The following DNAH14 variants were observed in gnomAD, a reference collection of about 807,000 sequenced individuals.
The protein encoded by DNAH14 is axonemal beta dynein heavy chain 14.
DNAH14 carries 478 observed loss-of-function variants against 520.9 expected under a neutral mutation model. The ratio of observed to expected loss-of-function variants is 0.92; its 90% confidence interval spans 0.85 to 0.99. The LOEUF (loss-of-function observed/expected upper bound fraction) is 0.99. Among genes scored for constraint, DNAH14 ranks in the 50% least tolerant of loss-of-function variants. DNAH14 has a pLI of 0.00. For missense variants in DNAH14, 4,831 were observed against 5,234.5 expected (o/e 0.92, Z 2.38); for synonymous variants, 1,581 against 1,757.2 (o/e 0.90, Z 2.51).
chr1:225,257,378 T>A (rs2092774339), intron 44 of DNAH14, among the ~76,000 whole-genome samples: 1 of 152,212 alleles, frequency 6.6e-6, no homozygotes, highest in Admixed American at 6.5e-5. Context: ...TAGGAACTCC[T>A]GGACATAATC....
Position 225,129,300 on chromosome 1 carries a change from A to G in DNAH14, c.4254+5686A>G, listed in dbSNP as rs879778198. ...TCAAGCTACCAATGACTTTCTTCAC[A>G]GAATTGGAAAAAACTACTTTAAAGT... is the stretch of plus-strand genomic sequence containing the variant. On this transcript the variant is annotated intron_variant, in intron 27 of 85. Transcript: ENST00000682510. Among the ~76,000 whole-genome samples the G allele has an allele frequency of 6.2e-3, 937 of 152,296 alleles. 24 individuals are homozygous for G. Among genetic ancestry groups the G allele is most frequent in the Non-Finnish European group, 3.5e-3 (241 of 68,034 alleles).
intron 8 of DNAH14, among the ~76,000 whole-genome samples, chr1:225,000,431 A>G (rs1330403534): frequency 6.6e-6 from 1 of 151,126 alleles, no homozygotes; most frequent in Non-Finnish European, 1.5e-5. Flanking sequence ...TCTTTTGACA[A>G]ATTTGGAATG....
chr1:225,000,697 T>G (rs890136413), intron 8 of DNAH14, among the ~76,000 whole-genome samples: 1 of 152,000 alleles, frequency 6.6e-6, no homozygotes, highest in East Asian at 1.9e-4. Flanking sequence ...TTCCCTCATT[T>G]TTTTCCTGTT....
intron 41 of DNAH14, among the ~76,000 whole-genome samples, chr1:225,218,044 A>G (rs551896080): frequency 6.6e-6 from 1 of 152,258 alleles, no homozygotes; most frequent in South Asian, 2.1e-4. Context: ...AGAATTTAAT[A>G]TCCAGCCAAA....
intron 71 of DNAH14, among the ~76,000 whole-genome samples, chr1:225,348,365 G>C (rs1261749418): frequency 6.6e-6 from 1 of 151,970 alleles, no homozygotes; most frequent in African/African-American, 2.4e-5. Flanking sequence ...AAAACATACA[G>C]GTTCAAGAGT....
In DNAH14 at chr1:225,327,687, C is replaced by G. The variant is rs546247069; in HGVS notation, c.9723+2855C>G. Among the ~76,000 whole-genome samples the G allele has an allele frequency of 3.3e-5, 5 of 151,440 alleles. No individual in the cohort carries two copies. The South Asian group carries it at 1.0e-3, about 32-fold the overall frequency. ...CTAAACAACAAAGAACGAACCAAACCCAAAGCTAGCAGAAGAAAAGAAATA... is the reference window on the plus strand; with the variant it reads ...CTAAACAACAAAGAACGAACCAAACGCAAAGCTAGCAGAAGAAAAGAAATA... On this transcript the variant is annotated intron_variant, in intron 64 of 85. Transcript: ENST00000682510.
In DNAH14 at chr1:225,389,766, C is replaced by G; in HGVS notation, c.13223C>G (p.Ser4408Cys). ...AGATTTGTCACAGTTTGGAAGCAGTCTATTCCATCAACTAGCCAAAAATGC... is the reference window on the plus strand; with the variant it reads ...AGATTTGTCACAGTTTGGAAGCAGTGTATTCCATCAACTAGCCAAAAATGC... ...YMRFVTVWKQSIPSTSQKCKH... is the reference protein window; with the variant it reads ...YMRFVTVWKQCIPSTSQKCKH... Residue 4408 changes from serine to cysteine, a missense_variant, in exon 83 of 86, where the codon TCT becomes TGT. By Grantham distance (112) the Ser-to-Cys change is moderately radical (BLOSUM62 -1). Transcript: ENST00000682510. 1 of 1,552,246 alleles carries G rather than the reference C, an allele frequency of 6.4e-7. No individual in the cohort carries two copies. The highest frequency in any genetic ancestry group is 1.4e-5 in the African/African-American group (1 of 73,186).
At chr1:225,113,196 G>A (rs1658328973) in intron 23 of DNAH14, among the ~76,000 whole-genome samples, 1 of 152,096 alleles carries the variant, frequency 6.6e-6, no homozygotes, top group African/African-American at 2.4e-5. Context: ...TTTTCATTAG[G>A]GAGTACCCAA....
intron 8 of DNAH14, among the ~76,000 whole-genome samples, chr1:224,980,462 G>A (rs1572214850): frequency 6.6e-6 from 1 of 152,312 alleles, no homozygotes; most frequent in Non-Finnish European, 1.5e-5. Context: ...CTCAGTTGCG[G>A]TAGTATAGAG....
chr1:225,038,182 T>A (rs909392746), intron 11 of DNAH14, among the ~76,000 whole-genome samples: 4 of 152,202 alleles, frequency 2.6e-5, no homozygotes, highest in African/African-American at 9.6e-5. Context: ...AAGGTTTTTA[T>A]TTTTCCTTTG....
chr1:225,092,776 T>G (rs116524503), intron 21 of DNAH14, among the ~76,000 whole-genome samples: 1,984 of 151,294 alleles, frequency 0.013, 21 homozygotes, highest in Middle Eastern at 0.024. Context: ...GACTTCTAGC[T>G]ACAATCATAA....
At position 225,379,621 on chromosome 1, in the gene DNAH14, G is replaced by A. The variant is rs187003826; in HGVS notation, c.12717-538G>A. ...TGGCTCACTGCAACCTCTGCCTCCC[G>A]GGTTCAAGTGATTCTCGTGCCTCAG... On this transcript the variant is annotated intron_variant, in intron 79 of 85. Transcript: ENST00000682510. Among the ~76,000 whole-genome samples the A allele has an allele frequency of 1.6e-4, 24 of 151,866 alleles. No homozygotes were observed. In the East Asian group the frequency reaches 2.1e-3, roughly 13 times the overall value.
intron 42 of DNAH14, among the ~76,000 whole-genome samples, chr1:225,231,949 A>G (rs1218651104): frequency 1.3e-5 from 2 of 152,148 alleles, no homozygotes; most frequent in Non-Finnish European, 2.9e-5. Flanking sequence ...TACCATAATC[A>G]CTCATATATA....
intron 36 of DNAH14, among the ~76,000 whole-genome samples, chr1:225,179,512 C>T (rs2083722704): frequency 6.6e-6 from 1 of 152,206 alleles, no homozygotes; most frequent in African/African-American, 2.4e-5. Flanking sequence ...ATAACTCCAT[C>T]TTCCCCACCT....
chr1:225,214,058 T>C (rs979125665), intron 41 of DNAH14, among the ~76,000 whole-genome samples: 20 of 152,166 alleles, frequency 1.3e-4, no homozygotes, highest in Non-Finnish European at 2.5e-4. Flanking sequence ...CATAAATAAC[T>C]CTTATTATTT....
intron 76 of DNAH14, among the ~76,000 whole-genome samples, chr1:225,366,363 T>C (rs1416820920): frequency 6.6e-6 from 1 of 152,182 alleles, no homozygotes. Context: ...TGTGATAAAA[T>C]AGTATGCTAT....
At chr1:224,975,081 T>A (rs1295776697) in intron 8 of DNAH14, among the ~76,000 whole-genome samples, 7 of 151,982 alleles carry the variant, frequency 4.6e-5, no homozygotes, top group Admixed American at 4.6e-4. Flanking sequence ...GAAGCCCGCT[T>A]GATCATGGTG....
At position 225,308,274 on chromosome 1, in the gene DNAH14, T is replaced by G; in HGVS notation, c.9115-11T>G. ...AAAATTCATTCTAAGAACAATTATG[T>G]GCTTCATTAGGAAACAGAAACTCTA... On this transcript the variant is annotated splice_polypyrimidine_tract_variant and intron_variant, in intron 59 of 85. Transcript: ENST00000682510. 6.5e-7 allele frequency: 1 copy of G among 1,532,122 alleles called. No individual in the cohort carries two copies. The highest frequency in any genetic ancestry group is 8.8e-7 in the Non-Finnish European group (1 of 1,142,208). The allele number at this position is 1,532,122 out of a possible 1,614,324, so 94.9% of individuals were successfully genotyped here. A position where few individuals can be genotyped will look rare whatever the true frequency, so the allele number is the denominator to read the frequency against.
intron 3 of DNAH14, 96 bp downstream of exon 3, chr1:224,955,194 T>C: frequency 7.9e-7 from 1 of 1,267,860 alleles, no homozygotes. Context: ...AGGAAACAAG[T>C]GAAACATATT....
Sources: gnomAD v4.1 joint callset for allele counts (sites outside exome capture counted in the v4.1 genomes callset) on GRCh38, gnomAD v4.1.1 for gene constraint, MANE v1.5 for transcripts, NCBI Gene and HGNC (gene_info 2026-07-23, HGNC 2026-07-21) for gene names.